Variants in ADAM18 observed in about 807,000 individuals in gnomAD.
ADAM18 encodes ADAM metallopeptidase domain 18.
A neutral mutation model predicts 94.4 loss-of-function variants in ADAM18; 117 were observed. The observed-to-expected ratio is 1.24, with a 90% confidence interval of 1.07 to 1.45. ADAM18 has a LOEUF of 1.45. Among genes scored for constraint, ADAM18 ranks in the 40% most tolerant of loss-of-function variants. ADAM18 has a pLI of 0.00. For synonymous variants in ADAM18, 327 were observed against 291.6 expected (o/e 1.12, Z -1.24); for missense variants, 936 against 880.0 (o/e 1.06, Z -0.81).
intron 18 of ADAM18, among the ~76,000 whole-genome samples, chr8:39,722,661 C>T (rs1356222297): frequency 6.6e-6 from 1 of 151,478 alleles, no homozygotes; most frequent in Non-Finnish European, 1.5e-5. Flanking sequence ...TGCACTTGTA[C>T]CTCCTTAATC....
intron 2 of ADAM18, among the ~76,000 whole-genome samples, chr8:39,588,564 A>G (rs1818476085): frequency 6.6e-6 from 1 of 152,240 alleles, no homozygotes; most frequent in Non-Finnish European, 1.5e-5. Flanking sequence ...GGAACTATGA[A>G]GAAGGTTTCA....
chr8:39,669,605 G>A (rs1019388681), intron 14 of ADAM18, among the ~76,000 whole-genome samples: 1 of 150,828 alleles, frequency 6.6e-6, no homozygotes, highest in African/African-American at 2.4e-5. Context: ...GAGAATGATG[G>A]TTTCCAGTTT....
At chr8:39,650,622 T>C (rs1235359315) in intron 12 of ADAM18, among the ~76,000 whole-genome samples, 1 of 152,176 alleles carries the variant, frequency 6.6e-6, no homozygotes, top group Non-Finnish European at 1.5e-5. Context: ...TAAAGCATTG[T>C]TGCAGGAATG....
At chr8:39,645,632 A>G (rs550803827) in intron 11 of ADAM18, among the ~76,000 whole-genome samples, 158 bp downstream of exon 11, 4 of 152,242 alleles carry the variant, frequency 2.6e-5, no homozygotes, top group African/African-American at 9.6e-5. Context: ...ATACTTAGGG[A>G]TATATACTAT....
chr8:39,591,101 C>G (rs1332435463), intron 2 of ADAM18, among the ~76,000 whole-genome samples: 2 of 152,168 alleles, frequency 1.3e-5, no homozygotes, highest in East Asian at 3.8e-4. Flanking sequence ...CACTTTATTA[C>G]TAAAAAATTG....
chr8:39,597,892 A>G (rs1266423598), intron 2 of ADAM18, among the ~76,000 whole-genome samples: 1 of 152,202 alleles, frequency 6.6e-6, no homozygotes, highest in Non-Finnish European at 1.5e-5. Flanking sequence ...TGTCTTAATG[A>G]TATTTAGTGT....
intron 14 of ADAM18, among the ~76,000 whole-genome samples, chr8:39,671,672 T>C (rs1390222607): frequency 1.3e-5 from 2 of 152,184 alleles, no homozygotes; most frequent in Non-Finnish European, 2.9e-5. Context: ...ATTGAACCTA[T>C]AGAATGGCTT....
chr8:39,604,137 C>T (rs1818991599), intron 2 of ADAM18, among the ~76,000 whole-genome samples: 1 of 152,138 alleles, frequency 6.6e-6, no homozygotes, highest in East Asian at 1.9e-4. Flanking sequence ...TGCTTCTCTG[C>T]CAGGCTCTTA....
intron 13 of ADAM18, among the ~76,000 whole-genome samples, chr8:39,664,513 C>T (rs1044671960): frequency 6.6e-6 from 1 of 152,062 alleles, no homozygotes; most frequent in South Asian, 2.1e-4. Context: ...ACAAAGTTTA[C>T]CATCTTCTAA....
intron 14 of ADAM18, among the ~76,000 whole-genome samples, chr8:39,668,425 TG>T (rs1400323980): frequency 6.6e-6 from 1 of 152,158 alleles, no homozygotes; most frequent in Admixed American, 6.5e-5. Flanking sequence ...ATTAGCTAGC[TG>T]GGCAAAAATC....
In ADAM18 at chr8:39,705,557, T is replaced by TA. The variant is rs751329526; in HGVS notation, c.1903-1226dup. ...CTGGGCAACAAAGCAAGACCCCATC[T>TA]AAAAAAATGCATAAGTGATATTCTG... On this transcript the variant is annotated intron_variant, in intron 17 of 19. Transcript: ENST00000265707. Among the ~76,000 whole-genome samples, 3 of 152,114 alleles carry TA rather than the reference T, an allele frequency of 2.0e-5. No homozygotes were observed. The East Asian group carries it at 5.8e-4, about 29-fold the overall frequency.
At chr8:39,689,130 C>T (rs1486327703) in intron 16 of ADAM18, among the ~76,000 whole-genome samples, 1 of 151,864 alleles carries the variant, frequency 6.6e-6, no homozygotes, top group Non-Finnish European at 1.5e-5. Flanking sequence ...ACATAGTTTG[C>T]AAATATTTTC....
chr8:39,664,736 T>G (rs1300223285), intron 13 of ADAM18, among the ~76,000 whole-genome samples: 1 of 152,106 alleles, frequency 6.6e-6, no homozygotes, highest in East Asian at 1.9e-4. Context: ...TGAACAGTAT[T>G]TATTGATATT....
rs769837230 is a variant in ADAM18, at chr8:39,706,767, G to T, written c.1903-23G>T. 4 of 1,383,298 alleles carry T rather than the reference G, an allele frequency of 2.9e-6. No homozygotes were observed. In the South Asian group the frequency reaches 4.7e-5, roughly 16 times the overall value. The allele number at this position is 1,383,298 out of a possible 1,614,324, so 85.7% of individuals were successfully genotyped here. A position where few individuals can be genotyped will look rare whatever the true frequency, so the allele number is the denominator to read the frequency against. On this transcript the variant is annotated intron_variant, in intron 17 of 19. Coordinates refer to ENST00000265707, the MANE Select transcript of ADAM18 (RefSeq NM_014237.3). ...TACAAAGACTAAGACGACTCAAACT[G>T]TTTCTGTATTTTTCTGTTTCAGATA...
chr8:39,720,701 T>A (rs1381409654), intron 18 of ADAM18, among the ~76,000 whole-genome samples: 1 of 151,344 alleles, frequency 6.6e-6, no homozygotes, highest in African/African-American at 2.4e-5. Flanking sequence ...TGCATTTCAT[T>A]TTATATGAGG....
intron 2 of ADAM18, among the ~76,000 whole-genome samples, chr8:39,594,069 T>G (rs10958559): frequency 0.33 from 50,628 of 151,984 alleles, 9,421 homozygotes; most frequent in Non-Finnish European, 0.42. Context: ...TTTTTCATGC[T>G]TATGTATAAA....
In ADAM18 at chr8:39,647,827, A is replaced by G. The variant is rs191214481; in HGVS notation, c.1047-517A>G. On this transcript the variant is annotated intron_variant, in intron 11 of 19. Transcript: ENST00000265707. ...CTTAAACCTTGATTCCATACAGCAC[A>G]TGTTTTTGTGAGCTCAAGGTTGGGG... 6.6e-4 allele frequency among the ~76,000 whole-genome samples: 100 copies of G among 152,322 alleles called. 2 individuals are homozygous for G. The East Asian group carries it at 0.012, about 18-fold the overall frequency.
At chr8:39,721,629 A>C (rs1312503250) in intron 18 of ADAM18, among the ~76,000 whole-genome samples, 1 of 151,772 alleles carries the variant, frequency 6.6e-6, no homozygotes, top group Non-Finnish European at 1.5e-5. Context: ...ACAAAAGAAG[A>C]CATCCAAGAG....
intron 15 of ADAM18, 93 bp downstream of exon 15, chr8:39,677,629 T>A: frequency 1.3e-6 from 1 of 794,746 alleles, no homozygotes; most frequent in Non-Finnish European, 1.9e-6. Context: ...TAAAATTTTA[T>A]AACATGGGAA....
Sources: allele counts gnomAD v4.1 joint callset (sites outside exome capture counted in the v4.1 genomes callset), GRCh38; gene constraint gnomAD v4.1.1; transcripts MANE v1.5; gene names NCBI Gene and HGNC (gene_info 2026-07-23, HGNC 2026-07-21).